Variants in BRDT observed in about 807,000 individuals in gnomAD.
BRDT encodes the protein bromodomain testis-specific protein.
In BRDT, 77 loss-of-function variants were observed where a neutral mutation model predicts 113.9. That is an observed-to-expected ratio of 0.68 (90% CI 0.56 to 0.82). The LOEUF (loss-of-function observed/expected upper bound fraction) is 0.82, where lower values mean the gene tolerates loss of function less well. Among genes scored for constraint, BRDT ranks in the 40% least tolerant of loss-of-function variants. BRDT has a pLI of 0.00. For missense variants in BRDT, 1,027 were observed against 1,105.4 expected (o/e 0.93, Z 1.01); for synonymous variants, 358 against 366.5 (o/e 0.98, Z 0.26).
intron 1 of BRDT, among the ~76,000 whole-genome samples, chr1:91,956,799 C>G (rs760162423): frequency 3.3e-5 from 5 of 152,018 alleles, no homozygotes; most frequent in Non-Finnish European, 5.9e-5. Context: ...AATAATTAAC[C>G]AGGCATGGTG....
chr1:91,976,239 A>G (rs753971397), intron 4 of BRDT, 27 bp from the exon 5 acceptor site: 1 of 1,549,394 alleles, frequency 6.5e-7, no homozygotes, highest in South Asian at 1.3e-5. Flanking sequence ...TCATTCATAT[A>G]TTTGATTCTG....
chr1:91,997,442 T>C (rs972436085), intron 15 of BRDT, among the ~76,000 whole-genome samples: 1 of 152,128 alleles, frequency 6.6e-6, no homozygotes, highest in African/African-American at 2.4e-5. Context: ...GATTTGAACA[T>C]TTGAAGGCTC....
chr1:91,984,699 T>G (rs12119233), intron 12 of BRDT, among the ~76,000 whole-genome samples: 117,862 of 152,038 alleles, frequency 0.78, 46,604 homozygotes, highest in Non-Finnish European at 0.85. Context: ...GCAGTGGCAC[T>G]ATCACGGCTC....
chr1:92,014,155 T>C (rs1557875406), intron 18 of BRDT, 51 bp from the exon 19 acceptor site: 1 of 1,228,662 alleles, frequency 8.1e-7, no homozygotes, highest in East Asian at 2.5e-5. Flanking sequence ...ATAGTTGTAG[T>C]AAAGACATAC....
chr1:91,960,064 G>T (rs9887935), intron 1 of BRDT, among the ~76,000 whole-genome samples: 76,193 of 151,982 alleles, frequency 0.5, 19,622 homozygotes, highest in East Asian at 0.56. Flanking sequence ...ATTGGCAAGG[G>T]TGTGGAGAAA....
At chr1:91,952,984 G>A (rs1681288085) in intron 1 of BRDT, among the ~76,000 whole-genome samples, 2 of 151,860 alleles carry the variant, frequency 1.3e-5, no homozygotes. Context: ...TAAGTTCTAG[G>A]GTACATGTGC....
chr1:92,009,334 T>C (rs1687598724), intron 18 of BRDT, among the ~76,000 whole-genome samples: 1 of 152,114 alleles, frequency 6.6e-6, no homozygotes, highest in Non-Finnish European at 1.5e-5. Context: ...TATATATATA[T>C]AACATTTCTT....
At chr1:91,993,978 A>G (rs1159158257) in intron 14 of BRDT, 105 bp from the exon 15 acceptor site, 1 of 940,660 alleles carries the variant, frequency 1.1e-6, no homozygotes, top group Non-Finnish European at 1.5e-6. Flanking sequence ...AGGTATTTTA[A>G]AAAGGTAGCA....
intron 18 of BRDT, among the ~76,000 whole-genome samples, chr1:92,005,897 G>A (rs572065967): frequency 1.8e-4 from 27 of 152,258 alleles, no homozygotes; most frequent in South Asian, 4.1e-4. Flanking sequence ...GCATTTCTTC[G>A]GTTGACTGCT....
intron 2 of BRDT, among the ~76,000 whole-genome samples, chr1:91,963,699 C>A (rs1682748464): frequency 6.6e-6 from 1 of 151,702 alleles, no homozygotes; most frequent in South Asian, 2.1e-4. Flanking sequence ...AGTCAGACTC[C>A]ATAAAAACAA....
intron 12 of BRDT, among the ~76,000 whole-genome samples, chr1:91,986,838 A>C (rs1319292142): frequency 6.6e-6 from 1 of 152,210 alleles, no homozygotes; most frequent in Non-Finnish European, 1.5e-5. Flanking sequence ...TAGTAAGTGC[A>C]GGAAGTATAC....
At chr1:91,954,845 C>T (rs1333377589) in intron 1 of BRDT, among the ~76,000 whole-genome samples, 1 of 152,006 alleles carries the variant, frequency 6.6e-6, no homozygotes, top group African/African-American at 2.4e-5. Flanking sequence ...CAGCTGTAGT[C>T]CCAGCTACTT....
intron 4 of BRDT, among the ~76,000 whole-genome samples, chr1:91,973,956 G>A (rs566964858): frequency 6.6e-6 from 1 of 152,230 alleles, no homozygotes; most frequent in South Asian, 2.1e-4. Flanking sequence ...CAATGGAACA[G>A]AACAGAGCCC....
intron 7 of BRDT, 128 bp downstream of exon 7, chr1:91,978,424 C>T: frequency 9.5e-7 from 1 of 1,054,900 alleles, no homozygotes; most frequent in Non-Finnish European, 1.3e-6. Flanking sequence ...GCAAAAACCA[C>T]AATTACTTTT....
chr1:91,957,275 C>T (rs539497479), intron 1 of BRDT, among the ~76,000 whole-genome samples: 28 of 152,210 alleles, frequency 1.8e-4, no homozygotes, highest in African/African-American at 6.7e-4. Context: ...AGGCGGATCA[C>T]GAGGTCAGGA....
chr1:91,960,980 A>T (rs192724947), intron 1 of BRDT, among the ~76,000 whole-genome samples: 1 of 152,362 alleles, frequency 6.6e-6, no homozygotes, highest in African/African-American at 2.4e-5. Context: ...TATGTGCCAC[A>T]GAGTAACATT....
intron 7 of BRDT, 133 bp downstream of exon 7, chr1:91,978,429 A>G: frequency 1.0e-6 from 1 of 984,674 alleles, no homozygotes; most frequent in Non-Finnish European, 1.4e-6. Context: ...AACCACAATT[A>G]CTTTTGCACC....
chr1:91,968,514 G>A (rs1218159111), intron 4 of BRDT, among the ~76,000 whole-genome samples: 1 of 152,152 alleles, frequency 6.6e-6, no homozygotes, highest in South Asian at 2.1e-4. Context: ...TCACATAGTA[G>A]GGATTCAGAA....
chr1:91,967,762 A>G (rs1683222936), intron 3 of BRDT, among the ~76,000 whole-genome samples: 1 of 151,968 alleles, frequency 6.6e-6, no homozygotes, highest in Non-Finnish European at 1.5e-5. Flanking sequence ...CGAACTCCCG[A>G]CCTCAGATGA....
Sources: gnomAD v4.1 joint callset for allele counts (sites outside exome capture counted in the v4.1 genomes callset) on GRCh38, gnomAD v4.1.1 for gene constraint, MANE v1.5 for transcripts, NCBI Gene and HGNC (gene_info 2026-07-23, HGNC 2026-07-21) for gene names.